The following CNIH3 variants were observed in gnomAD, a reference collection of about 807,000 sequenced individuals.
The protein encoded by CNIH3 is protein cornichon homolog 3.
A neutral mutation model predicts 24.1 loss-of-function variants in CNIH3; 14 were observed. That is an observed-to-expected ratio of 0.58 (90% CI 0.38 to 0.91). The LOEUF is 0.91. Ranked by LOEUF, CNIH3 falls within the 40% of genes least tolerant of loss-of-function variation. CNIH3 has a pLI of 0.00. For missense variants in CNIH3, 178 were observed against 196.8 expected, an observed-to-expected ratio of 0.90 and a Z score of 0.57; for synonymous variants, 68 against 73.8, an observed-to-expected ratio of 0.92 and a Z score of 0.40.
downstream of CNIH3, among the ~76,000 whole-genome samples, chr1:224,593,025 A>G (rs1257094985): frequency 6.6e-6 from 1 of 152,138 alleles, no homozygotes; most frequent in Non-Finnish European, 1.5e-5. Flanking sequence ...AAATGCAAGC[A>G]GAAAGCTACA....
chr1:224,564,549 C>T (rs1275473825), intron 3 of CNIH3, among the ~76,000 whole-genome samples: 1 of 152,226 alleles, frequency 6.6e-6, no homozygotes, highest in Non-Finnish European at 1.5e-5. Context: ...AAGTGAATGA[C>T]AAGGGTTAAA....
At chr1:224,507,968 T>C (rs1458475472) in intron 1 of CNIH3, among the ~76,000 whole-genome samples, 2 of 152,224 alleles carry the variant, frequency 1.3e-5, no homozygotes, top group African/African-American at 4.8e-5. Flanking sequence ...CTCCTCATTG[T>C]TTTATAGGCT....
chr1:224,445,422 G>A (rs1348105313), intron 1 of CNIH3, among the ~76,000 whole-genome samples: 1 of 151,330 alleles, frequency 6.6e-6, no homozygotes, highest in African/African-American at 2.4e-5. Context: ...CTAAAAATAC[G>A]AAAATTAGCC....
Position 224,730,577 on chromosome 1 carries a change from A to C in CNIH3, c.311+3A>C. The C allele has an allele frequency of 6.5e-7, 1 of 1,528,006 alleles. No homozygotes were observed. Among genetic ancestry groups the C allele is most frequent in the Non-Finnish European group, 8.9e-7 (1 of 1,124,718 alleles). The allele number at this position is 1,528,006 out of a possible 1,614,324, so 94.7% of individuals were successfully genotyped here. ...CTACTTTTCTATCACTTCTGGAGGT[A>C]AGTCAGACTGGGACTGGTATATCCT... On this transcript the variant is annotated splice_donor_region_variant and intron_variant, in intron 4 of 5. Coordinates refer to ENST00000272133, the MANE Select transcript of CNIH3 (RefSeq NM_152495.2).
chr1:224,722,771 A>C (rs1204212198), intron 3 of CNIH3, among the ~76,000 whole-genome samples: 1 of 152,142 alleles, frequency 6.6e-6, no homozygotes, highest in Non-Finnish European at 1.5e-5. Context: ...AGCTTAAAGA[A>C]ATGGGTGGGA....
chr1:224,579,344 A>G (rs975968573), intron 4 of CNIH3, among the ~76,000 whole-genome samples: 2 of 152,208 alleles, frequency 1.3e-5, no homozygotes, highest in Non-Finnish European at 2.9e-5. Context: ...TGGTGTCTCC[A>G]TAGAGTCCAT....
At chr1:224,525,201 T>G (rs1304677073) in intron 2 of CNIH3, among the ~76,000 whole-genome samples, 3 of 152,228 alleles carry the variant, frequency 2.0e-5, no homozygotes, top group African/African-American at 7.2e-5. Context: ...CAACTGAGAA[T>G]CTTATAATTG....
At chr1:224,579,222 A>G (rs1318497859) in intron 4 of CNIH3, among the ~76,000 whole-genome samples, 2 of 151,868 alleles carry the variant, frequency 1.3e-5, no homozygotes, top group Non-Finnish European at 2.9e-5. Context: ...GTCTTTTCAT[A>G]AGCTCTGTTT....
At chr1:224,654,406 A>G (rs1412006894) in intron 1 of CNIH3, among the ~76,000 whole-genome samples, 1 of 152,206 alleles carries the variant, frequency 6.6e-6, no homozygotes, top group East Asian at 1.9e-4. Flanking sequence ...AAAGATTTTA[A>G]GTTGCTTTTG....
In CNIH3 at chr1:224,434,800, A is replaced by T. The variant is rs1259341773; in HGVS notation, n.141A>T. 6.1e-6 allele frequency: 6 copies of T among 986,006 alleles called. No homozygotes were observed. The African/African-American group carries it at 8.8e-5, about 14-fold the overall frequency. 61.1% of individuals were successfully genotyped at this position (986,006 alleles called of 1,614,324 possible). On this transcript the variant is annotated non_coding_transcript_exon_variant, in exon 1 of 6. Transcript: ENST00000471578. ...TCTTCCCCCAGCTGCTGCCTAATGG[A>T]GTCCAGGCGCTCGCGTCACAGGAAA...
intron 2 of CNIH3, among the ~76,000 whole-genome samples, chr1:224,681,390 C>T (rs1049126700): frequency 3.3e-5 from 5 of 152,170 alleles, no homozygotes; most frequent in Admixed American, 6.5e-5. Context: ...AGTGGATGTC[C>T]GTGCTGCACT....
chr1:224,528,074 C>A (rs1053436040), intron 2 of CNIH3, among the ~76,000 whole-genome samples: 2 of 151,898 alleles, frequency 1.3e-5, no homozygotes, highest in African/African-American at 2.4e-5. Flanking sequence ...CCAGAGTGGG[C>A]AACATGGCAG....
At chr1:224,475,373 A>G (rs1676546950) in intron 1 of CNIH3, among the ~76,000 whole-genome samples, 1 of 150,486 alleles carries the variant, frequency 6.6e-6, no homozygotes, top group Admixed American at 6.6e-5. Context: ...AAAAGAAAAG[A>G]AAAGAAAAGA....
At chr1:224,730,183 G>T in intron 3 of CNIH3, 1 of 288,300 alleles carries the variant, frequency 3.5e-6, no homozygotes, top group Non-Finnish European at 6.5e-6. Context: ...CCATCCATGG[G>T]TGACCCCTAG....
intron 3 of CNIH3, among the ~76,000 whole-genome samples, chr1:224,715,939 C>T (rs1373039961): frequency 6.6e-6 from 1 of 152,174 alleles, no homozygotes; most frequent in Non-Finnish European, 1.5e-5. Context: ...CACAGTGGCC[C>T]ATGCTGAGTT....
Position 224,604,092 on chromosome 1 carries a change from T to G in CNIH3, n.402+37828T>G, listed in dbSNP as rs1682316666. On this transcript the variant is annotated intron_variant and non_coding_transcript_variant, in intron 3 of 7. Transcript: ENST00000478120. The surrounding 1 kb of genome is among the most constrained non-coding windows in gnomAD (Gnocchi z 4.4). Reference sequence around the variant, plus strand: ...ATAAAAATGTGATGTATATACACAATGCTTTGTGATTAATAAGCACATGGG... The same window carrying G: ...ATAAAAATGTGATGTATATACACAAGGCTTTGTGATTAATAAGCACATGGG... Among the ~76,000 whole-genome samples the G allele has an allele frequency of 6.6e-6, 1 of 152,260 alleles. No individual in the cohort carries two copies. Among genetic ancestry groups the G allele is most frequent in the Admixed American group, 6.5e-5 (1 of 15,290 alleles).
intron 2 of CNIH3, among the ~76,000 whole-genome samples, chr1:224,544,715 G>A (rs977185929): frequency 6.6e-6 from 1 of 152,162 alleles, no homozygotes; most frequent in East Asian, 1.9e-4. Context: ...ACTGCCCAAG[G>A]AGGAACTCAA....
At chr1:224,713,496 A>G (rs2125206243) in intron 3 of CNIH3, among the ~76,000 whole-genome samples, 1 of 152,270 alleles carries the variant, frequency 6.6e-6, no homozygotes, top group East Asian at 1.9e-4. Flanking sequence ...AGGCAATATG[A>G]CTTCAGGAAA....
At position 224,526,760 on chromosome 1, in the gene CNIH3, C is replaced by T. The variant is rs141090901; in HGVS notation, n.343+5433C>T. On this transcript the variant is annotated intron_variant and non_coding_transcript_variant, in intron 2 of 2. Coordinates refer to the CNIH3 transcript ENST00000470602. ...GTAATTTATAACAGGTTTAACTGGC[C>T]CATGGTTCTGCAGGCTGTACAGGAG... is the stretch of plus-strand genomic sequence containing the variant. 5.3e-3 allele frequency among the ~76,000 whole-genome samples: 805 copies of T among 152,162 alleles called. 2 individuals are homozygous for T. Among genetic ancestry groups the T allele is most frequent in the Non-Finnish European group, 6.4e-3 (434 of 68,028 alleles).
Sources: allele counts gnomAD v4.1 joint callset (sites outside exome capture counted in the v4.1 genomes callset), GRCh38; gene constraint gnomAD v4.1.1; non-coding constraint Gnocchi (gnomAD v3.1); transcripts MANE v1.5; gene names NCBI Gene and HGNC (gene_info 2026-07-23, HGNC 2026-07-21).